PHACTR3: variants seen among roughly 807,000 people sequenced by gnomAD.
The protein encoded by PHACTR3 is protein phosphatase 1, regulatory subunit 123.
PHACTR3 carries 16 observed loss-of-function variants against 66.8 expected under a neutral mutation model. The ratio of observed to expected loss-of-function variants is 0.24; its 90% confidence interval spans 0.16 to 0.36. PHACTR3 has a LOEUF of 0.36. PHACTR3 is among the 10% of genes least tolerant of loss of function. The pLI is 1.00. For synonymous variants in PHACTR3, 323 were observed against 292.1 expected, an observed-to-expected ratio of 1.11 and a Z score of -1.08; for missense variants, 647 against 719.9, an observed-to-expected ratio of 0.90 and a Z score of 1.16.
intron 7 of PHACTR3, among the ~76,000 whole-genome samples, chr20:59,784,854 C>G (rs1037731533): frequency 1.3e-5 from 2 of 152,172 alleles, no homozygotes; most frequent in Non-Finnish European, 2.9e-5. Flanking sequence ...TGCCTCTGGG[C>G]CTGGCATACC....
At chr20:59,666,323 C>T (rs1325901035) in intron 1 of PHACTR3, among the ~76,000 whole-genome samples, 1 of 152,206 alleles carries the variant, frequency 6.6e-6, no homozygotes, top group Non-Finnish European at 1.5e-5. Context: ...TCTGCCCTCT[C>T]CCACCCTGCC....
At chr20:59,844,283 A>T (rs954934948) in intron 11 of PHACTR3, 2 of 152,114 alleles carry the variant, frequency 1.3e-5, no homozygotes, top group Non-Finnish European at 2.9e-5. Context: ...TTTAAAAACT[A>T]TATGATCCAG....
intron 8 of PHACTR3, among the ~76,000 whole-genome samples, chr20:59,826,431 G>C (rs997359721): frequency 2.6e-5 from 4 of 152,160 alleles, no homozygotes; most frequent in Admixed American, 1.3e-4. Context: ...AAGGAGGCCA[G>C]GCAGGGTGGT....
chr20:59,760,586 G>A (rs951880065), intron 4 of PHACTR3, among the ~76,000 whole-genome samples: 6 of 152,056 alleles, frequency 3.9e-5, no homozygotes, highest in South Asian at 2.1e-4. Flanking sequence ...TGTGCGTTTC[G>A]CCTTCCGCCA....
At chr20:59,596,782 C>T (rs1013236439) in intron 1 of PHACTR3, among the ~76,000 whole-genome samples, 1 of 152,200 alleles carries the variant, frequency 6.6e-6, no homozygotes, top group African/African-American at 2.4e-5. Context: ...GTTTTGTGTA[C>T]TGCTGGATTG....
intron 1 of PHACTR3, among the ~76,000 whole-genome samples, chr20:59,705,919 C>T (rs970067413): frequency 6.6e-6 from 1 of 152,170 alleles, no homozygotes; most frequent in Non-Finnish European, 1.5e-5. Flanking sequence ...TGTCCAGTTA[C>T]TCTTTGAGCC....
At chr20:59,823,322 C>CA (rs2145431320) in intron 8 of PHACTR3, among the ~76,000 whole-genome samples, 1 of 152,270 alleles carries the variant, frequency 6.6e-6, no homozygotes, top group East Asian at 1.9e-4. Flanking sequence ...TATTACCTCC[C>CA]ATGTGCTGTG....
In PHACTR3 at chr20:59,839,928, G is replaced by GA. The variant is rs1296548012; in HGVS notation, c.1385-434dup. Among the ~76,000 whole-genome samples the GA allele has an allele frequency of 9.2e-5, 14 of 152,204 alleles. No homozygotes were observed. The Middle Eastern group carries it at 0.01, about 111-fold the overall frequency. ...TTAAAAAGTCTGTACGCTTATTAAG[G>GA]AAAAAAATTAGTGGCAGTGCTATTT... On this transcript the variant is annotated intron_variant, in intron 9 of 12. Coordinates refer to ENST00000371015, the MANE Select transcript of PHACTR3 (RefSeq NM_080672.5).
intron 4 of PHACTR3, among the ~76,000 whole-genome samples, chr20:59,756,952 A>G (rs899455821): frequency 5.9e-5 from 9 of 152,222 alleles, no homozygotes; most frequent in African/African-American, 2.2e-4. Flanking sequence ...ACATTTTTGC[A>G]ATCTACTCAT....
At chr20:59,636,325 C>T (rs1382588445) in intron 1 of PHACTR3, among the ~76,000 whole-genome samples, 1 of 152,202 alleles carries the variant, frequency 6.6e-6, no homozygotes, top group Non-Finnish European at 1.5e-5. Context: ...TGAGGGCCTA[C>T]TATGAGCTTT....
chr20:59,743,361 C>G, intron 2 of PHACTR3, 93 bp downstream of exon 2: 4 of 1,477,916 alleles, frequency 2.7e-6, no homozygotes. Flanking sequence ...GACTTCCTGG[C>G]CCCTACACAG....
At chr20:59,672,129 G>A (rs1485592111) in intron 1 of PHACTR3, among the ~76,000 whole-genome samples, 1 of 152,260 alleles carries the variant, frequency 6.6e-6, no homozygotes, top group Non-Finnish European at 1.5e-5. Flanking sequence ...TCGCAGCTGG[G>A]AGGCATGGTG....
intron 1 of PHACTR3, among the ~76,000 whole-genome samples, chr20:59,613,680 T>C (rs2033933923): frequency 6.6e-6 from 1 of 152,194 alleles, no homozygotes; most frequent in South Asian, 2.1e-4. Flanking sequence ...CACAATGTGA[T>C]CAAAACAAAA....
At chr20:59,778,479 C>G (rs930376055) in intron 7 of PHACTR3, among the ~76,000 whole-genome samples, 5 of 152,196 alleles carry the variant, frequency 3.3e-5, no homozygotes, top group African/African-American at 1.2e-4. Flanking sequence ...AAACATCGCT[C>G]AGTGCAGGAA....
At chr20:59,775,859 G>C (rs779669810) in intron 7 of PHACTR3, among the ~76,000 whole-genome samples, 1 of 152,244 alleles carries the variant, frequency 6.6e-6, no homozygotes, top group Non-Finnish European at 1.5e-5. Flanking sequence ...CTCAGCCTCA[G>C]CGCTGGTGGC....
chr20:59,659,349 G>A (rs1179966994), intron 1 of PHACTR3, among the ~76,000 whole-genome samples: 2 of 145,066 alleles, frequency 1.4e-5, no homozygotes, highest in Middle Eastern at 3.8e-3. Flanking sequence ...AGTCGTACCT[G>A]TAGATCAGCT....
At chr20:59,608,976 G>GCTCA (rs2033763021) in intron 1 of PHACTR3, among the ~76,000 whole-genome samples, 1 of 152,228 alleles carries the variant, frequency 6.6e-6, no homozygotes, top group Non-Finnish European at 1.5e-5. Context: ...CTCAGATGCA[G>GCTCA]GAGACTTTCA....
At chr20:59,592,103 C>A (rs747494499) in intron 1 of PHACTR3, among the ~76,000 whole-genome samples, 4 of 152,092 alleles carry the variant, frequency 2.6e-5, no homozygotes, top group Non-Finnish European at 5.9e-5. Flanking sequence ...CTTGATATTT[C>A]TATTAACAGT....
rs759636402 is a variant in PHACTR3, at chr20:59,767,325, G to C, written c.681G>C (p.Gln227His). 1.9e-6 allele frequency: 3 copies of C among 1,614,132 alleles called. No homozygotes were observed. The highest frequency in any genetic ancestry group is 1.7e-4 in the Middle Eastern group (1 of 6,030). The change falls in exon 5 of 13, where the codon CAG becomes CAC. Residue 227 changes from glutamine (Q) to histidine (H), a missense_variant. Transcript: ENST00000371015. ...PPRPLERSVGQLPSPPLLPTP... is the reference protein window; with the variant it reads ...PPRPLERSVGHLPSPPLLPTP... The stretch of plus-strand genomic sequence containing the variant: ...GACCTCTGGAGAGATCCGTGGGCCA[G>C]CTCCCCAGCCCCCCACTGCTGCCCA...
Sources: gnomAD v4.1 joint callset for allele counts (sites outside exome capture counted in the v4.1 genomes callset) on GRCh38, gnomAD v4.1.1 for gene constraint, MANE v1.5 for transcripts, NCBI Gene and HGNC (gene_info 2026-07-23, HGNC 2026-07-21) for gene names.